The following SLC9A8 variants were observed in gnomAD, a reference collection of about 807,000 sequenced individuals.
The protein encoded by SLC9A8 is solute carrier family 9 member A8.
SLC9A8 carries 48 observed loss-of-function variants against 66.6 expected under a neutral mutation model. The ratio of observed to expected loss-of-function variants is 0.72; its 90% confidence interval spans 0.57 to 0.92. The LOEUF is 0.92. Ranked by LOEUF, SLC9A8 falls within the 40% of genes least tolerant of loss-of-function variation. The pLI is 0.00. For missense variants in SLC9A8, 599 were observed against 747.3 expected (o/e 0.80, Z 2.31); for synonymous variants, 274 against 282.6 (o/e 0.97, Z 0.31).
intron 3 of SLC9A8, among the ~76,000 whole-genome samples, chr20:49,834,363 T>TATACAC (rs1568813185): frequency 1.0e-4 from 5 of 48,072 alleles, no homozygotes; most frequent in Admixed American, 2.0e-4. Flanking sequence ...TATATATATA[T>TATACAC]ACTGTGTATA....
chr20:49,822,955 A>G (rs1045461672), intron 2 of SLC9A8, 106 bp from the exon 3 acceptor site: 11 of 889,060 alleles, frequency 1.2e-5, no homozygotes, highest in African/African-American at 3.3e-5. Context: ...CCAATTGTCC[A>G]TTTCTGTGAG....
intron 7 of SLC9A8, among the ~76,000 whole-genome samples, chr20:49,853,774 A>G (rs1297035902): frequency 2.0e-5 from 3 of 152,164 alleles, no homozygotes; most frequent in Non-Finnish European, 4.4e-5. Flanking sequence ...GCCTGTGATG[A>G]CCTCTGTGAG....
At position 49,825,046 on chromosome 20, in the gene SLC9A8, T is replaced by C. The variant is rs2086867086; in HGVS notation, c.289+1905T>C. 3.9e-5 allele frequency among the ~76,000 whole-genome samples: 6 copies of C among 152,308 alleles called. No homozygotes were observed. The South Asian group carries it at 1.0e-3, about 26-fold the overall frequency. On this transcript the variant is annotated intron_variant, in intron 3 of 15. Coordinates refer to ENST00000361573, the MANE Select transcript of SLC9A8 (RefSeq NM_015266.3). ...GGACTGGTAGCCATCTTGCAACTAC[T>C]GTGGCTCAAAGACAAAAGCCAGAAT...
intron 10 of SLC9A8, among the ~76,000 whole-genome samples, chr20:49,871,733 G>A (rs1376985402): frequency 1.3e-5 from 2 of 152,196 alleles, no homozygotes; most frequent in East Asian, 3.8e-4. Context: ...CACTAGCCCA[G>A]GGTAAAGCCC....
intron 3 of SLC9A8, among the ~76,000 whole-genome samples, chr20:49,825,149 A>G (rs1166410493): frequency 6.6e-6 from 1 of 152,160 alleles, no homozygotes; most frequent in Non-Finnish European, 1.5e-5. Flanking sequence ...GATAGCCCTG[A>G]AACTTCCTAT....
chr20:49,877,603 G>A (rs964639989), intron 11 of SLC9A8, among the ~76,000 whole-genome samples: 3 of 152,122 alleles, frequency 2.0e-5, no homozygotes, highest in Non-Finnish European at 4.4e-5. Context: ...GTCATGTGGC[G>A]TCTGCAGTCA....
chr20:49,868,987 G>A (rs2146698190), intron 10 of SLC9A8, among the ~76,000 whole-genome samples: 1 of 152,310 alleles, frequency 6.6e-6, no homozygotes, highest in Non-Finnish European at 1.5e-5. Flanking sequence ...TGTTCTGACT[G>A]TATCCATGTT....
chr20:49,878,460 C>T (rs1600802275), intron 12 of SLC9A8, among the ~76,000 whole-genome samples: 2 of 151,998 alleles, frequency 1.3e-5, no homozygotes, highest in South Asian at 4.1e-4. Flanking sequence ...GAAAATATAG[C>T]CACATGTTCA....
intron 10 of SLC9A8, among the ~76,000 whole-genome samples, chr20:49,870,804 G>A (rs2089182010): frequency 2.0e-5 from 3 of 152,188 alleles, no homozygotes. Flanking sequence ...CCAGGTTTAG[G>A]TGATCCTTCC....
rs897072944 is a variant in SLC9A8 at position 49,888,119 on chromosome 20, C to T, written c.*183C>T. 64 of 533,906 alleles carry T rather than the reference C, an allele frequency of 1.2e-4. No individual in the cohort carries two copies. The East Asian group carries it at 1.3e-3, about 10-fold the overall frequency. 33.1% of individuals were successfully genotyped at this position (533,906 alleles called of 1,614,324 possible). A position where few individuals can be genotyped will look rare whatever the true frequency, so the allele number is the denominator to read the frequency against. ...AACCTGACAGGCCTCTGGAGCCAGG[C>T]GACTTCTTGGGAAACTGTCATCTCC... On this transcript the variant is annotated 3_prime_UTR_variant, in exon 16 of 16. Coordinates refer to ENST00000361573, the MANE Select transcript of SLC9A8 (RefSeq NM_015266.3).
At chr20:49,876,886 G>C (rs369102015) in intron 11 of SLC9A8, among the ~76,000 whole-genome samples, 3 of 152,196 alleles carry the variant, frequency 2.0e-5, no homozygotes, top group South Asian at 2.1e-4. Context: ...GAGAGAAGGG[G>C]GGGTAAATTC....
intron 3 of SLC9A8, among the ~76,000 whole-genome samples, chr20:49,823,513 T>G (rs2086815129): frequency 6.6e-6 from 1 of 152,200 alleles, no homozygotes; most frequent in African/African-American, 2.4e-5. Flanking sequence ...ATCACTCAAT[T>G]TTATAGACAG....
chr20:49,877,677 A>T (rs1289075074), intron 11 of SLC9A8, among the ~76,000 whole-genome samples: 1 of 152,208 alleles, frequency 6.6e-6, no homozygotes, highest in Non-Finnish European at 1.5e-5. Context: ...TGTTCAGCAG[A>T]TTGACAGATT....
intron 3 of SLC9A8, among the ~76,000 whole-genome samples, chr20:49,834,221 A>ACACC (rs1555831690): frequency 9.3e-4 from 129 of 138,806 alleles, no homozygotes; most frequent in African/African-American, 3.4e-3. Flanking sequence ...ATATACACAC[A>ACACC]CACACTATGT....
At chr20:49,877,933 G>A (rs749260323) in intron 11 of SLC9A8, 48 bp from the exon 12 acceptor site, 2 of 1,301,482 alleles carry the variant, frequency 1.5e-6, no homozygotes, top group Non-Finnish European at 2.2e-6. Flanking sequence ...GTACCATATT[G>A]GAATGAAATC....
intron 10 of SLC9A8, among the ~76,000 whole-genome samples, chr20:49,869,145 G>A (rs187059842): frequency 2.6e-5 from 4 of 152,300 alleles, no homozygotes; most frequent in African/African-American, 7.2e-5. Flanking sequence ...ACTCTGTCAA[G>A]GTGAGTCACA....
intron 5 of SLC9A8, among the ~76,000 whole-genome samples, chr20:49,845,478 C>T (rs542031867): frequency 1.1e-4 from 17 of 152,278 alleles, no homozygotes; most frequent in African/African-American, 4.1e-4. Context: ...TGTCCTGGGA[C>T]GACGGGGACA....
chr20:49,814,169 G>A (rs1377652060), intron 1 of SLC9A8, among the ~76,000 whole-genome samples: 2 of 152,110 alleles, frequency 1.3e-5, no homozygotes, highest in African/African-American at 4.8e-5. Flanking sequence ...AATAAAAGAG[G>A]CAATATAGCC....
intron 9 of SLC9A8, 113 bp from the exon 10 acceptor site, chr20:49,864,625 TA>T (rs1364014080): frequency 5.3e-5 from 38 of 712,308 alleles, no homozygotes; most frequent in Middle Eastern, 2.4e-4. Flanking sequence ...TGGGACATTC[TA>T]AAATCTATAT....
Sources: allele counts gnomAD v4.1 joint callset (sites outside exome capture counted in the v4.1 genomes callset), GRCh38; gene constraint gnomAD v4.1.1; transcripts MANE v1.5; gene names NCBI Gene and HGNC (gene_info 2026-07-23, HGNC 2026-07-21).